RGPD4: variants seen among roughly 807,000 people sequenced by gnomAD.
RGPD4 encodes the protein ranBP2-like and GRIP domain-containing protein 4.
RGPD4 carries 84 observed loss-of-function variants against 141.1 expected under a neutral mutation model. The ratio of observed to expected loss-of-function variants is 0.60; its 90% CI spans 0.50 to 0.71. The LOEUF (loss-of-function observed/expected upper bound fraction) is 0.71. RGPD4 is among the 30% of genes least tolerant of loss of function. The probability of loss-of-function intolerance (pLI) is 0.00; values close to 1 mark genes in which losing one functional copy is unlikely to be tolerated. For missense variants in RGPD4, 918 were observed against 1,622.4 expected (o/e 0.57, Z 7.46); for synonymous variants, 298 against 566.8 (o/e 0.53, Z 6.74).
intron 1 of RGPD4, among the ~76,000 whole-genome samples, chr2:107,828,618 A>T (rs1681332228): frequency 9.7e-6 from 1 of 102,682 alleles, no homozygotes; most frequent in African/African-American, 4.2e-5. Flanking sequence ...GGCGGCCTCG[A>T]CCTGGCCCGG....
intron 1 of RGPD4, among the ~76,000 whole-genome samples, chr2:107,831,572 CTTTTT>C (rs1166609493): frequency 1.0e-4 from 11 of 108,802 alleles, no homozygotes; most frequent in Admixed American, 2.8e-4. Flanking sequence ...CTTTTCTTTT[CTTTTT>C]TTTTTTTTTT....
chr2:107,833,028 G>A (rs1421377782), intron 1 of RGPD4, among the ~76,000 whole-genome samples: 1 of 150,244 alleles, frequency 6.7e-6, no homozygotes, highest in East Asian at 1.9e-4. Flanking sequence ...ATGTTCCAGG[G>A]GAAGAAGATT....
In RGPD4 at chr2:107,870,855, G is replaced by C. The variant is rs1195326320; in HGVS notation, c.2851G>C (p.Asp951His). ...AAATGATACTGGCTTCCAGGCTCAG[G>C]ATATTAGTGGCCAGAAGAATGGCCG... ...LENDTGFQAQ[D>H]ISGQKNGRGV... Residue 951 changes from aspartate (D) to histidine (H), a missense_variant, in exon 20 of 23, where the codon GAT (aspartate) becomes CAT (histidine). By Grantham distance (81) the Asp-to-His change is moderately conservative. Transcript: ENST00000408999. 1 of 1,610,592 alleles carries C rather than the reference G, an allele frequency of 6.2e-7. No individual in the cohort carries two copies. Among genetic ancestry groups the C allele is most frequent in the Non-Finnish European group, 8.5e-7 (1 of 1,179,488 alleles).
chr2:107,859,590 T>C (rs1682465122), intron 11 of RGPD4, 36 bp downstream of exon 11: 1 of 1,611,508 alleles, frequency 6.2e-7, no homozygotes, highest in South Asian at 1.1e-5. Context: ...TTTCACTTAG[T>C]GCGTAGGTTT....
chr2:107,830,860 T>C (rs1681459060), intron 1 of RGPD4, among the ~76,000 whole-genome samples: 1 of 152,050 alleles, frequency 6.6e-6, no homozygotes, highest in African/African-American at 2.4e-5. Flanking sequence ...TAGTCTTCCA[T>C]TGTGCTTTCA....
At chr2:107,888,539 T>C (rs1675570362) in intron 22 of RGPD4, among the ~76,000 whole-genome samples, 1 of 151,814 alleles carries the variant, frequency 6.6e-6, no homozygotes, top group African/African-American at 2.4e-5. Flanking sequence ...AGAGAGACTT[T>C]TCAGAGTTCT....
intron 22 of RGPD4, among the ~76,000 whole-genome samples, chr2:107,887,012 G>A (rs1675531491): frequency 6.7e-6 from 1 of 149,902 alleles, no homozygotes; most frequent in Admixed American, 6.7e-5. Context: ...AGAAGACCAG[G>A]CAGGAGGATT....
chr2:107,885,880 C>T (rs1328079009), intron 22 of RGPD4, among the ~76,000 whole-genome samples: 5 of 151,650 alleles, frequency 3.3e-5, no homozygotes, highest in Non-Finnish European at 7.4e-5. Context: ...TGGTGAAACC[C>T]CGTCTCTACT....
intron 21 of RGPD4, 32 bp from the exon 22 acceptor site, chr2:107,882,640 A>G (rs1023803577): frequency 1.3e-6 from 2 of 1,584,678 alleles, no homozygotes; most frequent in African/African-American, 1.4e-5. Context: ...AAGCTCCTAA[A>G]GCCCATTTTT....
chr2:107,884,392 G>A (rs148501073), intron 22 of RGPD4, among the ~76,000 whole-genome samples: 12,849 of 151,888 alleles, frequency 0.085, 453 homozygotes, highest in African/African-American at 0.13. Context: ...GAGACACCAC[G>A]CCCGGCCATT....
Position 107,871,656 on chromosome 2 carries a change from G to A in RGPD4, c.3652G>A (p.Glu1218Lys), listed in dbSNP as rs549518939. 6.2e-7 allele frequency: 1 copy of A among 1,607,808 alleles called. No homozygotes were observed. Among genetic ancestry groups the A allele is most frequent in the East Asian group, 2.2e-5 (1 of 44,854 alleles). The change falls in exon 20 of 23, where the codon GAG becomes AAG. Residue 1218 changes from glutamate (E) to lysine (K), a missense_variant. Transcript: ENST00000408999. The stretch of plus-strand genomic sequence containing the variant: ...GACAAATGATCAAACAAAAGTCACT[G>A]AGGAAGAAAATAAGGGTTCAGGTAC... Reference protein sequence around the residue: ...FLTNDQTKVTEEENKGSGTGA... With the variant: ...FLTNDQTKVTKEENKGSGTGA...
At chr2:107,845,081 G>A (rs1235822025) in intron 6 of RGPD4, among the ~76,000 whole-genome samples, 3 of 145,340 alleles carry the variant, frequency 2.1e-5, no homozygotes, top group African/African-American at 5.2e-5. Flanking sequence ...TCTTGCTCTC[G>A]CCAGGTTGGC....
chr2:107,879,929 A>G (rs1339585154), intron 20 of RGPD4, 39 bp from the exon 21 acceptor site: 2 of 1,609,468 alleles, frequency 1.2e-6, no homozygotes, highest in African/African-American at 2.7e-5. Flanking sequence ...TCTGTAATGT[A>G]TGATTTTGAA....
rs201177065 is a variant in RGPD4 at position 107,861,635 on chromosome 2, T to A, written c.2100T>A (p.Leu700=). 8.1e-6 allele frequency: 13 copies of A among 1,609,958 alleles called. No homozygotes were observed. The highest frequency in any genetic ancestry group is 1.1e-5 in the Non-Finnish European group (13 of 1,179,394). ...CAGAAGACATTGCAAATGATGCCCT[T>A]TCTCCTGAAGAACAAGAAGAATGCA... ...RKAEDIANDA[L]SPEEQEECKN... is the part of the protein sequence containing the mutation. Residue 700 remains leucine (L), a synonymous_variant, in exon 15 of 23, where the codon CTT becomes CTA. Transcript: ENST00000408999.
intron 22 of RGPD4, among the ~76,000 whole-genome samples, chr2:107,883,821 A>C (rs1043091753): frequency 1.1e-4 from 17 of 152,046 alleles, no homozygotes; most frequent in Non-Finnish European, 2.4e-4. Context: ...TTTATTTTTG[A>C]CATTTACAAG....
intron 17 of RGPD4, among the ~76,000 whole-genome samples, chr2:107,863,466 A>G (rs2104470278): frequency 7.9e-6 from 1 of 126,798 alleles, no homozygotes; most frequent in Middle Eastern, 4.3e-3. Context: ...CAGCCTACAT[A>G]CCTTGGTCTT....
intron 6 of RGPD4, among the ~76,000 whole-genome samples, chr2:107,846,472 G>A (rs1681950698): frequency 6.6e-6 from 1 of 151,462 alleles, no homozygotes; most frequent in African/African-American, 2.4e-5. Context: ...AATAATTATA[G>A]CTTTTTTTTT....
In RGPD4 at chr2:107,870,810, G is replaced by A. The variant is rs3868856; in HGVS notation, c.2806G>A (p.Glu936Lys). 28,229 of 1,590,478 alleles carry A rather than the reference G, an allele frequency of 0.018. 1,298 individuals carry two copies. The highest frequency in any genetic ancestry group is 0.064 in the Middle Eastern group (272 of 4,274). Residue 936 changes from glutamate (E) to lysine (K), a missense_variant, in exon 20 of 23, where the codon GAA (glutamate) becomes AAA (lysine). By Grantham distance (56) the Glu-to-Lys change is moderately conservative. Coordinates refer to ENST00000408999, the MANE Select transcript of RGPD4 (RefSeq NM_182588.3). ...TTCGGAACCAGGAAATCAAGAAAAGGAAAGTGAAAAGCCTCTTGAAAATGA... is the reference window on the plus strand; with the variant it reads ...TTCGGAACCAGGAAATCAAGAAAAGAAAAGTGAAAAGCCTCTTGAAAATGA... ...GISEPGNQEK[E>K]SEKPLENDTG... is the part of the protein sequence containing the mutation.
Position 107,859,771 on chromosome 2 carries a change from A to T in RGPD4, c.1684A>T (p.Thr562Ser). The T allele has an allele frequency of 6.2e-7, 1 of 1,610,570 alleles. No homozygotes were observed. The highest frequency in any genetic ancestry group is 2.2e-5 in the East Asian group (1 of 44,836). ...ACTTTTAGTTCAGCATGAAATAAAC[A>T]CTCTAAGAGCCCAGGAAAAACATGG... Reference protein sequence around the residue: ...LRLLVQHEINTLRAQEKHGLQ... With the variant: ...LRLLVQHEINSLRAQEKHGLQ... The change falls in exon 12 of 23, where the codon ACT (threonine) becomes TCT (serine). Residue 562 changes from threonine to serine, a missense_variant. Transcript: ENST00000408999.
Sources: allele counts gnomAD v4.1 joint callset (sites outside exome capture counted in the v4.1 genomes callset), GRCh38; gene constraint gnomAD v4.1.1; transcripts MANE v1.5; gene names NCBI Gene and HGNC (gene_info 2026-07-23, HGNC 2026-07-21).